DSCAM: variants seen among roughly 807,000 people sequenced by gnomAD.
The protein encoded by DSCAM is DS cell adhesion molecule, also known as cell adhesion molecule DSCAM.
DSCAM carries 47 observed loss-of-function variants against 217.7 expected under a neutral mutation model. The observed-to-expected ratio is 0.22, with a 90% CI of 0.17 to 0.28. The LOEUF is 0.28. Ranked by LOEUF, DSCAM falls within the 10% of genes least tolerant of loss-of-function variation. DSCAM has a pLI of 1.00. For synonymous variants in DSCAM, 1,056 were observed against 1,015.3 expected, an observed-to-expected ratio of 1.04 and a Z score of -0.76; for missense variants, 2,080 against 2,618.3, an observed-to-expected ratio of 0.79 and a Z score of 4.49.
At position 40,625,122 on chromosome 21, in the gene DSCAM, T is replaced by C. The variant is rs190329331; in HGVS notation, c.508+67688A>G. Among the ~76,000 whole-genome samples the C allele has an allele frequency of 2.2e-4, 33 of 152,240 alleles. No individual in the cohort carries two copies. The East Asian group carries it at 6.2e-3, about 28-fold the overall frequency. On this transcript the variant is annotated intron_variant, in intron 3 of 32. Coordinates refer to ENST00000400454, the MANE Select transcript of DSCAM (RefSeq NM_001389.5). ...TGTCCAAATGTGAAAATAATGAACA[T>C]TTATGAACAATTTCTGAAACAGGAA...
chr21:40,266,663 ATATATAT>A (rs1569031998), intron 11 of DSCAM, among the ~76,000 whole-genome samples: 17 of 126,930 alleles, frequency 1.3e-4, no homozygotes, highest in African/African-American at 4.7e-4. Flanking sequence ...ATATATATAT[ATATATAT>A]AATCTTGAAA....
intron 20 of DSCAM, among the ~76,000 whole-genome samples, chr21:40,101,410 C>G (rs538843846): frequency 6.6e-6 from 1 of 152,144 alleles, no homozygotes; most frequent in South Asian, 2.1e-4. Context: ...TCTGGCTCAG[C>G]GGTCCCCAGC....
At chr21:40,218,285 C>T (rs1346451832) in intron 11 of DSCAM, among the ~76,000 whole-genome samples, 4 of 152,104 alleles carry the variant, frequency 2.6e-5, no homozygotes, top group Admixed American at 2.6e-4. Flanking sequence ...TCAGCTTTAT[C>T]AATGCTAAGA....
chr21:40,287,960 A>G (rs2073847901), intron 10 of DSCAM, among the ~76,000 whole-genome samples: 1 of 152,214 alleles, frequency 6.6e-6, no homozygotes, highest in Non-Finnish European at 1.5e-5. Flanking sequence ...GAAAAGGGGC[A>G]GGGAGAAATA....
intron 1 of DSCAM, among the ~76,000 whole-genome samples, chr21:40,721,441 TTGA>T: frequency 6.6e-6 from 1 of 152,260 alleles, no homozygotes; most frequent in Admixed American, 6.5e-5. Context: ...GAAGAGCTCA[TTGA>T]TGAGAGAAAT....
intron 3 of DSCAM, among the ~76,000 whole-genome samples, chr21:40,588,749 T>C (rs1041107746): frequency 1.4e-4 from 22 of 152,354 alleles, no homozygotes; most frequent in African/African-American, 5.3e-4. Flanking sequence ...TCTTTTTTTC[T>C]GCATGTATTA....
intron 3 of DSCAM, among the ~76,000 whole-genome samples, chr21:40,580,582 A>G (rs1296102839): frequency 1.3e-5 from 2 of 152,114 alleles, no homozygotes; most frequent in South Asian, 2.1e-4. Flanking sequence ...AAAAGAAGGT[A>G]GATTTTAAAA....
chr21:40,143,329 C>A (rs2090315032), intron 17 of DSCAM, among the ~76,000 whole-genome samples: 1 of 152,290 alleles, frequency 6.6e-6, no homozygotes, highest in South Asian at 2.1e-4. Context: ...GGCTGAGACA[C>A]GCATCTTAAT....
At chr21:40,072,192 A>C (rs188216318) in intron 27 of DSCAM, among the ~76,000 whole-genome samples, 7 of 152,284 alleles carry the variant, frequency 4.6e-5, no homozygotes, top group Admixed American at 2.6e-4. Flanking sequence ...TGTTACCACT[A>C]GTTTAAAAAA....
At chr21:40,761,633 C>A (rs965430364) in intron 1 of DSCAM, among the ~76,000 whole-genome samples, 5 of 152,202 alleles carry the variant, frequency 3.3e-5, no homozygotes, top group African/African-American at 1.2e-4. Flanking sequence ...TTGTTCAAGC[C>A]TCTCAGTTTG....
At chr21:40,780,433 A>G (rs1472966664) in intron 1 of DSCAM, among the ~76,000 whole-genome samples, 2 of 140,122 alleles carry the variant, frequency 1.4e-5, no homozygotes, top group African/African-American at 5.2e-5. Flanking sequence ...GTATATATAT[A>G]TATATATATA....
intron 4 of DSCAM, among the ~76,000 whole-genome samples, chr21:40,361,919 T>A (rs1478848060): frequency 1.3e-5 from 2 of 152,280 alleles, no homozygotes; most frequent in Non-Finnish European, 2.9e-5. Context: ...CTTTCTCCCA[T>A]GTATTTGACT....
At chr21:40,797,040 G>T (rs1321433393) in intron 1 of DSCAM, among the ~76,000 whole-genome samples, 1 of 152,148 alleles carries the variant, frequency 6.6e-6, no homozygotes, top group Non-Finnish European at 1.5e-5. Flanking sequence ...ACACCTCATT[G>T]CTAGTCACGC....
At chr21:40,289,438 TC>T (rs1206437295) in intron 10 of DSCAM, among the ~76,000 whole-genome samples, 1 of 152,192 alleles carries the variant, frequency 6.6e-6, no homozygotes, top group East Asian at 1.9e-4. Context: ...ACAATCTTTT[TC>T]TGGGGACATG....
chr21:40,074,963 C>T (rs1470578317), intron 27 of DSCAM, 74 bp downstream of exon 27: 1 of 1,509,250 alleles, frequency 6.6e-7, no homozygotes, highest in African/African-American at 1.4e-5. Context: ...GGTTTGTTCT[C>T]CAGCTGGCAT....
chr21:40,459,241 C>G (rs2075787195), intron 3 of DSCAM, among the ~76,000 whole-genome samples: 1 of 151,476 alleles, frequency 6.6e-6, no homozygotes, highest in Non-Finnish European at 1.5e-5. Context: ...AAAAGAAGAA[C>G]AAAACAAAAT....
At chr21:40,174,507 T>C (rs2090699555) in intron 15 of DSCAM, among the ~76,000 whole-genome samples, 1 of 150,504 alleles carries the variant, frequency 6.6e-6, no homozygotes, top group South Asian at 2.1e-4. Context: ...GTACAAATTT[T>C]GGGCTTTATG....
intron 2 of DSCAM, among the ~76,000 whole-genome samples, chr21:40,705,453 T>G (rs184993056): frequency 6.6e-6 from 1 of 152,264 alleles, no homozygotes; most frequent in Admixed American, 6.5e-5. Flanking sequence ...CACACTGCTA[T>G]GAAGAAATAC....
At chr21:40,279,236 C>A (rs1476500217) in intron 10 of DSCAM, among the ~76,000 whole-genome samples, 1 of 152,170 alleles carries the variant, frequency 6.6e-6, no homozygotes, top group Admixed American at 6.5e-5. Flanking sequence ...CCATTTTTAT[C>A]CCTAAATCTG....
Sources: gnomAD v4.1 joint callset for allele counts (sites outside exome capture counted in the v4.1 genomes callset) on GRCh38, gnomAD v4.1.1 for gene constraint, MANE v1.5 for transcripts, NCBI Gene and HGNC (gene_info 2026-07-23, HGNC 2026-07-21) for gene names.